Variants in UBAP2L observed in about 807,000 individuals in gnomAD.
UBAP2L encodes the protein ubiquitin-associated protein 2-like.
Under a neutral mutation model 130.6 loss-of-function variants are expected in UBAP2L, and 12 were observed. The observed-to-expected ratio is 0.09, with a 90% CI of 0.06 to 0.15. The LOEUF is 0.15. Among genes scored for constraint, UBAP2L ranks in the 10% least tolerant of loss-of-function variants. UBAP2L has a pLI of 1.00. For missense variants in UBAP2L, 965 were observed against 1,332.5 expected (o/e 0.72, Z 4.29); for synonymous variants, 503 against 524.7 (o/e 0.96, Z 0.57).
chr1:154,243,878 A>G (rs1197384187), intron 10 of UBAP2L, among the ~76,000 whole-genome samples: 3 of 152,236 alleles, frequency 2.0e-5, no homozygotes. Context: ...TCAGCCTTTC[A>G]TATCACCAGC....
chr1:154,226,114 C>G (rs1032464331), intron 2 of UBAP2L, among the ~76,000 whole-genome samples: 4 of 152,194 alleles, frequency 2.6e-5, no homozygotes, highest in Non-Finnish European at 5.9e-5. Flanking sequence ...GTGCCCTGCC[C>G]CACCTTGATA....
chr1:154,254,564 T>C (rs1678972604), intron 15 of UBAP2L: 1 of 530,898 alleles, frequency 1.9e-6, no homozygotes, highest in Admixed American at 3.8e-5. Context: ...CTCTATCTGT[T>C]TTAGGTTTGG....
At chr1:154,266,127 G>A (rs1158423957) in intron 24 of UBAP2L, among the ~76,000 whole-genome samples, 1 of 152,162 alleles carries the variant, frequency 6.6e-6, no homozygotes, top group Non-Finnish European at 1.5e-5. Context: ...AAACTGAGTG[G>A]CATTTGGGTG....
At chr1:154,268,279 C>T (rs1278857233) in intron 25 of UBAP2L, among the ~76,000 whole-genome samples, 1 of 152,004 alleles carries the variant, frequency 6.6e-6, no homozygotes, top group Non-Finnish European at 1.5e-5. Flanking sequence ...GCAACCTCCA[C>T]CTCCCAGGTT....
intron 10 of UBAP2L, among the ~76,000 whole-genome samples, chr1:154,244,360 GC>G (rs1406198364): frequency 6.6e-6 from 1 of 152,070 alleles, no homozygotes; most frequent in African/African-American, 2.4e-5. Flanking sequence ...AGTTTTACTT[GC>G]CGTTACTGTT....
chr1:154,235,942 G>T (rs1306145833), intron 6 of UBAP2L, among the ~76,000 whole-genome samples: 1 of 152,130 alleles, frequency 6.6e-6, no homozygotes, highest in Non-Finnish European at 1.5e-5. Flanking sequence ...ATGAAGTCTA[G>T]TTAGTTAATT....
intron 25 of UBAP2L, 121 bp downstream of exon 25, chr1:154,266,689 A>C: frequency 9.8e-7 from 1 of 1,025,460 alleles, no homozygotes; most frequent in Admixed American, 2.0e-5. Flanking sequence ...AACCCATCCT[A>C]CTTTTTCTAA....
Position 154,253,969 on chromosome 1 carries a change from G to A in UBAP2L, c.1734G>A (p.Ser578=), listed in dbSNP as rs367944950. ...ESGYQSGPIQ[S]TTYTSQNNAQ... is the part of the protein sequence containing the mutation. ...GTTATCAGAGCGGCCCAATTCAGTC[G>A]ACAACCTATACCTCCCAAAATAATG... is the stretch of plus-strand genomic sequence containing the variant. The change falls in exon 15 of 27, where the codon TCG becomes TCA. Residue 578 remains serine (S), a synonymous_variant. Transcript: ENST00000428931. 90 of 1,613,756 alleles carry A rather than the reference G, an allele frequency of 5.6e-5. No individual in the cohort carries two copies. Among genetic ancestry groups the A allele is most frequent in the Admixed American group, 1.0e-4 (6 of 59,964 alleles).
rs973041229 is a variant in UBAP2L at position 154,270,782 on chromosome 1, T to G, written c.*487T>G. On this transcript the variant is annotated 3_prime_UTR_variant, in exon 27 of 27. Transcript: ENST00000428931. ...TGGTTTTTTTTTTGTTTTTTTTTTT[T>G]TTTTGTACTGTGTCCTCAAATTTAA... 1.2e-4 allele frequency: 153 copies of G among 1,327,542 alleles called. No individual in the cohort carries two copies. Among genetic ancestry groups the G allele is most frequent in the Non-Finnish European group, 1.4e-4 (150 of 1,035,300 alleles). 82.2% of individuals were successfully genotyped at this position (1,327,542 alleles called of 1,614,324 possible).
intron 3 of UBAP2L, 95 bp from the exon 4 acceptor site, chr1:154,228,520 A>C: frequency 1.0e-6 from 1 of 961,888 alleles, no homozygotes; most frequent in Non-Finnish European, 1.6e-6. Flanking sequence ...GTTTTTTTCA[A>C]ACTCAACTGA....
chr1:154,237,999 TC>T (rs1672240062), intron 8 of UBAP2L, among the ~76,000 whole-genome samples: 1 of 152,188 alleles, frequency 6.6e-6, no homozygotes, highest in Non-Finnish European at 1.5e-5. Flanking sequence ...AGGCTTTTTT[TC>T]CTCTTACAAA....
chr1:154,241,247 C>G (rs1673520027), intron 8 of UBAP2L, among the ~76,000 whole-genome samples: 1 of 152,010 alleles, frequency 6.6e-6, no homozygotes, highest in African/African-American at 2.4e-5. Context: ...TGCCACCACG[C>G]CCAGCTAATT....
chr1:154,270,732 G>A lies in UBAP2L; in HGVS notation c.*437G>A, dbSNP rs1462813110. ...AAAAATGGCGTCATGAATATGAACAGCATTGTCAGATGAATTAGTTGAAGT... is the reference window on the plus strand; with the variant it reads ...AAAAATGGCGTCATGAATATGAACAACATTGTCAGATGAATTAGTTGAAGT... On this transcript the variant is annotated 3_prime_UTR_variant, in exon 27 of 27. Coordinates refer to ENST00000428931, the MANE Select transcript of UBAP2L (RefSeq NM_014847.4). 2.8e-6 allele frequency: 4 copies of A among 1,417,080 alleles called. No individual in the cohort carries two copies. The African/African-American group carries it at 5.9e-5, about 21-fold the overall frequency. The allele number at this position is 1,417,080 out of a possible 1,614,324, so 87.8% of individuals were successfully genotyped here.
At chr1:154,259,831 G>T (rs536274300) in intron 21 of UBAP2L, 117 bp from the exon 22 acceptor site, 2 of 1,102,224 alleles carry the variant, frequency 1.8e-6, no homozygotes, top group South Asian at 2.5e-5. Context: ...AGCTTAATTA[G>T]TGACTGGATA....
chr1:154,244,851 T>C (rs1674830640), intron 10 of UBAP2L, among the ~76,000 whole-genome samples: 1 of 148,786 alleles, frequency 6.7e-6, no homozygotes, highest in Middle Eastern at 3.6e-3. Flanking sequence ...TGGCCATTGG[T>C]GATTGGACTT....
At chr1:154,234,122 A>C (rs149915241) in intron 4 of UBAP2L, among the ~76,000 whole-genome samples, 2 of 152,218 alleles carry the variant, frequency 1.3e-5, no homozygotes, top group Admixed American at 1.3e-4. Context: ...GCACTTTAAG[A>C]GGCCGAGGTG....
Position 154,242,975 on chromosome 1 carries a change from C to T in UBAP2L, c.757-242C>T, listed in dbSNP as rs979463107. On this transcript the variant is annotated intron_variant, in intron 9 of 26. Coordinates refer to ENST00000428931, the MANE Select transcript of UBAP2L (RefSeq NM_014847.4). ...CTAGCATGCCTGTAAGTTCAGTATG[C>T]ATATGATCATGTGACTCCACTATAT... 2.4e-4 allele frequency: 72 copies of T among 301,200 alleles called. 1 individual carries two copies. The highest frequency in any genetic ancestry group is 8.1e-5 in the Non-Finnish European group (13 of 160,074). The allele number at this position is 301,200 out of a possible 1,614,324, so 18.7% of individuals were successfully genotyped here.
chr1:154,257,233 T>G lies in UBAP2L; in HGVS notation c.2328T>G (p.Thr776=). Residue 776 remains threonine (T), a synonymous_variant, in exon 19 of 27, where the codon ACT becomes ACG. Transcript: ENST00000428931. The stretch of plus-strand genomic sequence containing the variant: ...GCAACTCCACTGTCACAGCCTCGAC[T>G]CGAAGCTCAGTTGCTACGACTTCAG... ...LGSNSTVTAS[T]RSSVATTSGK... 1 of 1,614,234 alleles carries G rather than the reference T, an allele frequency of 6.2e-7. No homozygotes were observed. The highest frequency in any genetic ancestry group is 8.5e-7 in the Non-Finnish European group (1 of 1,180,022).
At chr1:154,241,423 C>T (rs1673592455) in intron 8 of UBAP2L, 90 bp from the exon 9 acceptor site, 2 of 1,370,868 alleles carry the variant, frequency 1.5e-6, no homozygotes, top group Non-Finnish European at 2.1e-6. Flanking sequence ...CTTTTGGCTG[C>T]CAAAAAAATT....
Sources: gnomAD v4.1 joint callset for allele counts (sites outside exome capture counted in the v4.1 genomes callset) on GRCh38, gnomAD v4.1.1 for gene constraint, MANE v1.5 for transcripts, NCBI Gene and HGNC (gene_info 2026-07-23, HGNC 2026-07-21) for gene names.